The following BCR variants were observed in gnomAD, a reference collection of about 807,000 sequenced individuals.
BCR encodes the protein breakpoint cluster region protein.
Under a neutral mutation model 138.6 loss-of-function variants are expected in BCR, and 58 were observed. The observed-to-expected ratio is 0.42, with a 90% CI of 0.34 to 0.52. The LOEUF is 0.52. Among genes scored for constraint, BCR ranks in the 20% least tolerant of loss-of-function variants. The pLI is 0.06. For synonymous variants in BCR, 786 were observed against 730.1 expected, an observed-to-expected ratio of 1.08 and a Z score of -1.23; for missense variants, 1,599 against 1,727.2, an observed-to-expected ratio of 0.93 and a Z score of 1.32.
chr22:23,276,072 C>G (rs941220941), intron 8 of BCR, among the ~76,000 whole-genome samples: 4 of 152,164 alleles, frequency 2.6e-5, no homozygotes, highest in African/African-American at 9.7e-5. Flanking sequence ...ATGGTCATGT[C>G]TCGGGGCCAC....
At chr22:23,302,990 T>C (rs2073919021) in intron 16 of BCR, 1 of 135,382 alleles carries the variant, frequency 7.4e-6, no homozygotes, top group African/African-American at 2.7e-5. Context: ...CCCCCACCCG[T>C]GAGAGCATAA....
chr22:23,222,434 G>A (rs1325129846), intron 1 of BCR, among the ~76,000 whole-genome samples: 1 of 152,220 alleles, frequency 6.6e-6, no homozygotes, highest in Non-Finnish European at 1.5e-5. Context: ...GTATGTTGGT[G>A]GGAAAAGGTT....
chr22:23,299,409 G>A (rs2073880350), intron 16 of BCR, among the ~76,000 whole-genome samples: 1 of 152,162 alleles, frequency 6.6e-6, no homozygotes, highest in African/African-American at 2.4e-5. Flanking sequence ...GTGAATGGCT[G>A]TGTGGACGAG....
chr22:23,192,817 C>T (rs192846820), intron 1 of BCR, among the ~76,000 whole-genome samples: 147 of 152,254 alleles, frequency 9.7e-4, no homozygotes, highest in East Asian at 8.7e-3. Context: ...GGCAGAGGGA[C>T]GAGGTCTGGC....
chr22:23,267,409 G>A (rs2073455327), intron 4 of BCR, among the ~76,000 whole-genome samples: 1 of 152,202 alleles, frequency 6.6e-6, no homozygotes, highest in African/African-American at 2.4e-5. Context: ...GTAGGGAGCA[G>A]GGCCAGAAGA....
intron 2 of BCR, among the ~76,000 whole-genome samples, chr22:23,258,119 G>A (rs2073315354): frequency 6.6e-6 from 1 of 152,056 alleles, no homozygotes; most frequent in South Asian, 2.1e-4. Context: ...CTTGATGGCT[G>A]TCCCCCCCAC....
intron 1 of BCR, among the ~76,000 whole-genome samples, chr22:23,213,181 C>T (rs1408052010): frequency 6.6e-6 from 1 of 152,168 alleles, no homozygotes; most frequent in Non-Finnish European, 1.5e-5. Flanking sequence ...TGTGGCTGAC[C>T]CCTGCAGCCA....
intron 16 of BCR, chr22:23,307,454 C>T (rs1411166636): frequency 4.0e-5 from 6 of 151,580 alleles, no homozygotes; most frequent in Admixed American, 1.3e-4. Context: ...GCACTCTGTC[C>T]GCATCCCTCA....
intron 2 of BCR, among the ~76,000 whole-genome samples, chr22:23,257,404 G>A (rs1568958195): frequency 1.3e-5 from 2 of 152,248 alleles, no homozygotes; most frequent in Admixed American, 6.5e-5. Context: ...CACCCACGCC[G>A]GCACAAGCAT....
intron 1 of BCR, among the ~76,000 whole-genome samples, chr22:23,218,920 G>A (rs1181363162): frequency 1.3e-5 from 2 of 152,198 alleles, no homozygotes; most frequent in Non-Finnish European, 2.9e-5. Context: ...GGGTGAGGTC[G>A]CAGCCCGGCC....
intron 16 of BCR, among the ~76,000 whole-genome samples, chr22:23,305,376 C>A (rs539503395): frequency 2.5e-4 from 38 of 152,320 alleles, no homozygotes; most frequent in Non-Finnish European, 1.5e-4. Flanking sequence ...AGTGAACAAG[C>A]ATTTCCTCCT....
Position 23,273,787 on chromosome 22 carries a change from G to A in BCR, c.2115+13G>A. 6.2e-7 allele frequency: 1 copy of A among 1,613,726 alleles called. No individual in the cohort carries two copies. The highest frequency in any genetic ancestry group is 1.7e-5 in the Admixed American group (1 of 60,026). The stretch of plus-strand genomic sequence containing the variant: ...GAAGAAGGGAGAGGTGAGTGTGGCA[G>A]GGGATGGCTTGGGTCCACCCATCCT... On this transcript the variant is annotated intron_variant, in intron 8 of 22. Coordinates refer to ENST00000305877, the MANE Select transcript of BCR (RefSeq NM_004327.4).
chr22:23,286,692 C>A (rs774921424), intron 10 of BCR, among the ~76,000 whole-genome samples: 32 of 152,174 alleles, frequency 2.1e-4, no homozygotes, highest in Admixed American at 4.6e-4. Context: ...TAGGAAGGGC[C>A]TTCCCATCCA....
intron 1 of BCR, among the ~76,000 whole-genome samples, chr22:23,207,022 T>C (rs144107482): frequency 2.4e-3 from 319 of 132,426 alleles, no homozygotes; most frequent in African/African-American, 8.2e-3. Context: ...CATCCATCCA[T>C]TCAACATTGA....
At chr22:23,203,361 G>A (rs1261922591) in intron 1 of BCR, among the ~76,000 whole-genome samples, 6 of 152,104 alleles carry the variant, frequency 3.9e-5, no homozygotes, top group Non-Finnish European at 8.8e-5. Context: ...GCCTCCTTCT[G>A]TTCACAGGAT....
At chr22:23,212,112 G>A (rs1429509020) in intron 1 of BCR, among the ~76,000 whole-genome samples, 1 of 152,204 alleles carries the variant, frequency 6.6e-6, no homozygotes, top group African/African-American at 2.4e-5. Context: ...TTTCCCATGA[G>A]CTTCTCCTCT....
rs144595538 is a variant in BCR, at chr22:23,260,364, G to A, written c.1462-586G>A. Among the ~76,000 whole-genome samples, 145 of 152,334 alleles carry A rather than the reference G, an allele frequency of 9.5e-4. 1 individual carries two copies. In the Middle Eastern group the frequency reaches 0.02, roughly 21 times the overall value. ...CAGGGTCAGGGGACACAGGCCTTGA[G>A]CCCCAGGGACAGGGTTCTTCTGGGG... On this transcript the variant is annotated intron_variant, in intron 2 of 22. Transcript: ENST00000305877.
rs773897531 is a variant in BCR, at chr22:23,261,514, C to T, written c.1726C>T (p.Arg576Trp). ...PRVQQWSHQQ[R>W]VGDLFQKLAS... ...CGTGCAGCAGTGGAGCCACCAGCAG[C>T]GGGTGGGCGACCTCTTCCAGAAGCT... Residue 576 changes from arginine to tryptophan, a missense_variant, in exon 4 of 23, where the codon CGG (arginine) becomes TGG (tryptophan). By Grantham distance (101) the Arg-to-Trp change is moderately radical (BLOSUM62 -3). Coordinates refer to ENST00000305877, the MANE Select transcript of BCR (RefSeq NM_004327.4). The T allele has an allele frequency of 1.9e-5, 30 of 1,612,726 alleles. 1 individual carries two copies. The highest frequency in any genetic ancestry group is 1.4e-4 in the South Asian group (13 of 91,080).
chr22:23,293,931 A>G (rs2267023), intron 15 of BCR, among the ~76,000 whole-genome samples: 50,973 of 152,002 alleles, frequency 0.34, 9,092 homozygotes, highest in African/African-American at 0.45. Flanking sequence ...ATTCACCAAC[A>G]GCACCGTCAG....
Sources: gnomAD v4.1 joint callset for allele counts (sites outside exome capture counted in the v4.1 genomes callset) on GRCh38, gnomAD v4.1.1 for gene constraint, MANE v1.5 for transcripts, NCBI Gene and HGNC (gene_info 2026-07-23, HGNC 2026-07-21) for gene names.